Variants in ALPK2 observed in about 807,000 individuals in gnomAD.
ALPK2 encodes the protein alpha kinase 2.
A neutral mutation model predicts 163.1 loss-of-function variants in ALPK2; 127 were observed. The ratio of observed to expected loss-of-function variants is 0.78; its 90% CI spans 0.67 to 0.90. ALPK2 has a LOEUF of 0.90. ALPK2 is among the 40% of genes least tolerant of loss of function. The pLI is 0.00. For synonymous variants in ALPK2, 953 were observed against 959.1 expected (o/e 0.99, Z 0.12); for missense variants, 2,360 against 2,589.6 (o/e 0.91, Z 1.92).
At chr18:58,596,315 C>T (rs551734646) in intron 3 of ALPK2, among the ~76,000 whole-genome samples, 1 of 152,334 alleles carries the variant, frequency 6.6e-6, no homozygotes, top group East Asian at 1.9e-4. Context: ...CTTGATCTGA[C>T]CATCTCATGA....
chr18:58,573,862 A>G (rs1602224754), intron 4 of ALPK2, among the ~76,000 whole-genome samples: 2 of 152,150 alleles, frequency 1.3e-5, no homozygotes, highest in East Asian at 3.9e-4. Flanking sequence ...ACCATGCAAG[A>G]TCTCAGTCTT....
chr18:58,574,585 T>G (rs1370709811), intron 4 of ALPK2, among the ~76,000 whole-genome samples: 1 of 152,050 alleles, frequency 6.6e-6, no homozygotes, highest in African/African-American at 2.4e-5. Flanking sequence ...TGAACCCAGT[T>G]GTGAATGGTG....
At position 58,534,943 on chromosome 18, in the gene ALPK2, G is replaced by A; in HGVS notation, c.5244C>T (p.Ile1748=). 1 of 1,614,104 alleles carries A rather than the reference G, an allele frequency of 6.2e-7. No individual in the cohort carries two copies. ...LRLKLEEKEN[I]RKNSAFLKKM... ...TTTTAAGAAAGGCTGAGTTCTTTCT[G>A]ATATTTTCCTTTTCTTCCAGTTTCA... Residue 1748 remains isoleucine (I), a synonymous_variant, in exon 5 of 13, where the codon ATC becomes ATT. Coordinates refer to ENST00000361673, the MANE Select transcript of ALPK2 (RefSeq NM_052947.4).
Position 58,536,950 on chromosome 18 carries a change from C to A in ALPK2, c.3237G>T (p.Val1079=). The A allele has an allele frequency of 6.2e-7, 1 of 1,614,190 alleles. No homozygotes were observed. Among genetic ancestry groups the A allele is most frequent in the Non-Finnish European group, 8.5e-7 (1 of 1,180,016 alleles). ...TKELLCRAPS[V]PGVPHHVLQL... is the part of the protein sequence containing the mutation. The stretch of plus-strand genomic sequence containing the variant: ...GCAGGACATGGTGTGGGACTCCTGG[C>A]ACACTGGGTGCCCTGCAAAGTAGCT... Residue 1079 remains valine, a synonymous_variant, in exon 5 of 13, where the codon GTG becomes GTT. Coordinates refer to ENST00000361673, the MANE Select transcript of ALPK2 (RefSeq NM_052947.4).
chr18:58,561,258 C>G (rs1387276621), intron 4 of ALPK2, among the ~76,000 whole-genome samples: 1 of 152,122 alleles, frequency 6.6e-6, no homozygotes, highest in East Asian at 1.9e-4. Context: ...AGCTTTAGGA[C>G]TCTACTGGGG....
Position 58,586,985 on chromosome 18 carries a change from C to T in ALPK2, c.228-6437G>A, listed in dbSNP as rs546036700. Among the ~76,000 whole-genome samples, 8 of 152,172 alleles carry T rather than the reference C, an allele frequency of 5.3e-5. No homozygotes were observed. In the South Asian group the frequency reaches 1.5e-3, roughly 28 times the overall value. ...TAAGCATGTCCAGTGCATGTGCTTACGAAAGACCTGAGAAAATTCTGAGCT... is the reference window on the plus strand; with the variant it reads ...TAAGCATGTCCAGTGCATGTGCTTATGAAAGACCTGAGAAAATTCTGAGCT... On this transcript the variant is annotated intron_variant, in intron 3 of 12. Transcript: ENST00000361673.
At chr18:58,601,780 G>A (rs1179651432) in intron 3 of ALPK2, among the ~76,000 whole-genome samples, 3 of 152,162 alleles carry the variant, frequency 2.0e-5, no homozygotes, top group East Asian at 3.8e-4. Context: ...GGGAAAACCA[G>A]CAGAGAACCA....
At chr18:58,490,957 C>A (rs1208385219) in intron 12 of ALPK2, among the ~76,000 whole-genome samples, 1 of 152,196 alleles carries the variant, frequency 6.6e-6, no homozygotes. Context: ...TCGTTAGTAT[C>A]TGAAATGGAA....
At chr18:58,581,450 A>C (rs1205844883) in intron 3 of ALPK2, among the ~76,000 whole-genome samples, 6 of 152,242 alleles carry the variant, frequency 3.9e-5, no homozygotes, top group Admixed American at 2.6e-4. Context: ...TGACTCACAT[A>C]GATCAAGCCA....
intron 4 of ALPK2, among the ~76,000 whole-genome samples, chr18:58,565,730 TGTTCCTTCC>T (rs1568087004): frequency 1.5e-5 from 2 of 132,222 alleles, no homozygotes; most frequent in Non-Finnish European, 3.2e-5. Context: ...TTCTCTTTTT[TGTTCCTTCC>T]TTCCTTCCTT....
At chr18:58,501,394 T>C (rs1342350743) in intron 11 of ALPK2, among the ~76,000 whole-genome samples, 1 of 152,154 alleles carries the variant, frequency 6.6e-6, no homozygotes, top group African/African-American at 2.4e-5. Flanking sequence ...CCATATGTTT[T>C]GTGTGTGTGT....
rs183622132 is a variant in ALPK2, at chr18:58,628,183, G to T, written c.-21+581C>A. ...TTTTTTTAAATCTATTTAACAACTC[G>T]ATAAATGTTTACATCAGCCATTTTG... is the stretch of plus-strand genomic sequence containing the variant. On this transcript the variant is annotated intron_variant, in intron 1 of 12. Transcript: ENST00000361673. Among the ~76,000 whole-genome samples, 24 of 151,948 alleles carry T rather than the reference G, an allele frequency of 1.6e-4. 2 individuals are homozygous for T. In the South Asian group the frequency reaches 4.8e-3, roughly 30 times the overall value.
At chr18:58,626,898 CAG>C (rs1004464520) in intron 1 of ALPK2, among the ~76,000 whole-genome samples, 38 of 148,700 alleles carry the variant, frequency 2.6e-4, no homozygotes, top group Admixed American at 7.3e-4. Context: ...AAAAAAAAGA[CAG>C]AAGCTTTTAA....
chr18:58,560,943 T>C (rs556844591), intron 4 of ALPK2, among the ~76,000 whole-genome samples: 41 of 152,350 alleles, frequency 2.7e-4, no homozygotes, highest in African/African-American at 9.6e-4. Context: ...TACTTTTCCA[T>C]TTTTATATCT....
chr18:58,551,267 A>G (rs1363087249), intron 4 of ALPK2, among the ~76,000 whole-genome samples: 1 of 152,170 alleles, frequency 6.6e-6, no homozygotes, highest in African/African-American at 2.4e-5. Context: ...GTGTGCATTC[A>G]AGGTGTCGCC....
chr18:58,598,806 A>G (rs2052054292), intron 3 of ALPK2, among the ~76,000 whole-genome samples: 1 of 151,994 alleles, frequency 6.6e-6, no homozygotes, highest in South Asian at 2.1e-4. Context: ...CATCTTTTCA[A>G]TCTTTCCAGA....
chr18:58,590,359 G>A (rs546586188), intron 3 of ALPK2, among the ~76,000 whole-genome samples: 7 of 152,194 alleles, frequency 4.6e-5, no homozygotes, highest in African/African-American at 1.4e-4. Flanking sequence ...GAAACACGAG[G>A]TCTGTAGTGT....
At chr18:58,531,767 G>A (rs987767904) in intron 5 of ALPK2, among the ~76,000 whole-genome samples, 21 of 150,438 alleles carry the variant, frequency 1.4e-4, no homozygotes, top group East Asian at 5.9e-4. Context: ...GTGAAACCCC[G>A]TCTCTACTAA....
intron 1 of ALPK2, among the ~76,000 whole-genome samples, chr18:58,624,828 T>A (rs2052221173): frequency 6.6e-6 from 1 of 152,222 alleles, no homozygotes; most frequent in Non-Finnish European, 1.5e-5. Context: ...ATTCCTATCA[T>A]TTGGCTCTCC....
Sources: gnomAD v4.1 joint callset for allele counts (sites outside exome capture counted in the v4.1 genomes callset) on GRCh38, gnomAD v4.1.1 for gene constraint, MANE v1.5 for transcripts, NCBI Gene and HGNC (gene_info 2026-07-23, HGNC 2026-07-21) for gene names.